ZSCAN31: variants seen among roughly 807,000 people sequenced by gnomAD.
The protein encoded by ZSCAN31 is zinc finger and SCAN domain containing 31, also known as zinc finger and SCAN domain-containing protein 31.
In ZSCAN31, 14 loss-of-function variants were observed where a neutral mutation model predicts 22.5. The observed-to-expected ratio is 0.62, with a 90% CI of 0.41 to 0.97. ZSCAN31 has a LOEUF of 0.97. Ranked by LOEUF, ZSCAN31 falls within the 50% of genes least tolerant of loss-of-function variation. The probability of loss-of-function intolerance (pLI) is 0.00; values close to 1 mark genes in which losing one functional copy is unlikely to be tolerated. For synonymous variants in ZSCAN31, 168 were observed against 169.8 expected, an observed-to-expected ratio of 0.99 and a Z score of 0.08; for missense variants, 424 against 483.4, an observed-to-expected ratio of 0.88 and a Z score of 1.15.
intron 2 of ZSCAN31, among the ~76,000 whole-genome samples, chr6:28,345,929 T>G (rs977005115): frequency 2.0e-5 from 3 of 152,208 alleles, no homozygotes; most frequent in African/African-American, 7.2e-5. Context: ...TTATGTAGTG[T>G]TTGTTTCCTA....
At chr6:28,343,718 C>T (rs754019217) in intron 2 of ZSCAN31, among the ~76,000 whole-genome samples, 2 of 151,728 alleles carry the variant, frequency 1.3e-5, no homozygotes, top group African/African-American at 4.8e-5. Context: ...TTAGTAGAAA[C>T]GGGGTTTCAC....
chr6:28,327,857 T>C (rs1763416616), intron 2 of ZSCAN31, among the ~76,000 whole-genome samples: 2 of 152,042 alleles, frequency 1.3e-5, no homozygotes, highest in South Asian at 4.2e-4. Flanking sequence ...GTAAAAAGTA[T>C]CAGAGAATCT....
chr6:28,353,807 A>T (rs1201678591), intron 2 of ZSCAN31: 2 of 456,646 alleles, frequency 4.4e-6, no homozygotes, highest in African/African-American at 4.0e-5. Context: ...ACTCTTATTT[A>T]AAAAAAGAAA....
At position 28,333,895 on chromosome 6, in the gene ZSCAN31, G is replaced by A. The variant is rs1763945306; in HGVS notation, c.-96+2187C>T. ...TTCTGTACCGAGAAGCTCTGCTACT[G>A]GATGGAGAATGAGCTGAGGGAATGA... On this transcript the variant is annotated intron_variant, in intron 1 of 3. Coordinates refer to ENST00000344279, the MANE Select transcript of ZSCAN31 (RefSeq NM_030899.5). The surrounding 1 kb of genome is among the most constrained non-coding windows in gnomAD (Gnocchi z 4.1). Among the ~76,000 whole-genome samples, 1 of 152,146 alleles carries A rather than the reference G, an allele frequency of 6.6e-6. No homozygotes were observed. The highest frequency in any genetic ancestry group is 1.5e-5 in the Non-Finnish European group (1 of 68,022).
upstream of ZSCAN31, among the ~76,000 whole-genome samples, chr6:28,354,737 C>T (rs548095075): frequency 1.3e-5 from 2 of 152,306 alleles, no homozygotes; most frequent in South Asian, 2.1e-4. Flanking sequence ...GGTGTTGGGG[C>T]GGGCAACAAC....
rs185187827 is a variant in ZSCAN31 at position 28,354,170 on chromosome 6, G to A, written c.-501C>T. 2.9e-4 allele frequency: 103 copies of A among 349,736 alleles called. No homozygotes were observed. The East Asian group carries it at 7.5e-3, about 25-fold the overall frequency. The allele number at this position is 349,736 out of a possible 1,614,324, so 21.7% of individuals were successfully genotyped here. ...AAGATGGCCAGTTCTCTCTTACAGG[G>A]TCAGCAGTTTTTCTCTCTCTCTCTG... On this transcript the variant is annotated 5_prime_UTR_variant, in exon 1 of 8. Coordinates refer to the ZSCAN31 transcript ENST00000396838.
At chr6:28,343,564 G>C (rs1402342788) in intron 2 of ZSCAN31, among the ~76,000 whole-genome samples, 1 of 94,656 alleles carries the variant, frequency 1.1e-5, no homozygotes, top group Non-Finnish European at 1.9e-5. Flanking sequence ...TTTTTTTTGA[G>C]ATGGAGTCTC....
chr6:28,348,848 TATATATAGGTGTATATACATGTCTC>T (rs1455911968), intron 2 of ZSCAN31, among the ~76,000 whole-genome samples: 3 of 152,108 alleles, frequency 2.0e-5, no homozygotes, highest in Non-Finnish European at 4.4e-5. Context: ...TGAGTTCTCA[TATATATAGGTGTATATACATGTCTC>T]ATATACAGGT....
intron 2 of ZSCAN31, among the ~76,000 whole-genome samples, chr6:28,328,481 A>G (rs1274349334): frequency 6.6e-6 from 1 of 152,242 alleles, no homozygotes; most frequent in East Asian, 1.9e-4. Context: ...TTGAAAGAAG[A>G]GAAATATGGC....
intron 1 of ZSCAN31, chr6:28,354,091 C>A (rs1399289077): frequency 1.1e-5 from 4 of 379,632 alleles, no homozygotes; most frequent in African/African-American, 6.3e-5. Flanking sequence ...CCCACACTTA[C>A]AGCTGTACTC....
At chr6:28,340,614 A>G (rs1764375512), upstream of ZSCAN31, among the ~76,000 whole-genome samples, 1 of 152,228 alleles carries the variant, frequency 6.6e-6, no homozygotes, top group Admixed American at 6.5e-5. Flanking sequence ...TAAATTACCC[A>G]GTCTTGGGTA....
chr6:28,327,291 C>A, intron 3 of ZSCAN31, 92 bp downstream of exon 3: 3 of 1,450,378 alleles, frequency 2.1e-6, no homozygotes, highest in African/African-American at 1.4e-5. Context: ...AAATTCCAAC[C>A]CAGGCAATTT....
At chr6:28,343,266 T>A (rs1764489829) in intron 2 of ZSCAN31, among the ~76,000 whole-genome samples, 2 of 152,196 alleles carry the variant, frequency 1.3e-5, no homozygotes, top group Non-Finnish European at 2.9e-5. Context: ...CAAGTGGTAG[T>A]TTCTGAAACT....
At chr6:28,346,918 A>G (rs1764669593) in intron 2 of ZSCAN31, among the ~76,000 whole-genome samples, 1 of 152,260 alleles carries the variant, frequency 6.6e-6, no homozygotes, top group African/African-American at 2.4e-5. Context: ...GAAAGAAAGA[A>G]TAATTCTGGA....
chr6:28,338,070 G>T (rs557541079), upstream of ZSCAN31, among the ~76,000 whole-genome samples: 23 of 138,564 alleles, frequency 1.7e-4, no homozygotes, highest in Admixed American at 3.5e-4. Context: ...AATAAATAAA[G>T]AAGGAAAAAG....
chr6:28,348,557 G>A, intron 2 of ZSCAN31, among the ~76,000 whole-genome samples: 1 of 152,022 alleles, frequency 6.6e-6, no homozygotes, highest in East Asian at 1.9e-4. Flanking sequence ...ACACATACAT[G>A]TTTGTTGCTC....
chr6:28,344,785 T>C (rs1764567818), intron 2 of ZSCAN31, among the ~76,000 whole-genome samples: 1 of 151,948 alleles, frequency 6.6e-6, no homozygotes, highest in Non-Finnish European at 1.5e-5. Context: ...AAAATATATA[T>C]AGTACATTTA....
intron 3 of ZSCAN31, 49 bp from the exon 4 acceptor site, chr6:28,326,903 G>T: frequency 1.4e-6 from 2 of 1,445,024 alleles, no homozygotes; most frequent in South Asian, 1.3e-5. Flanking sequence ...CTTTATGAAA[G>T]AATACAATCA....
chr6:28,328,538 C>G (rs141928748), intron 2 of ZSCAN31, among the ~76,000 whole-genome samples: 4,238 of 152,358 alleles, frequency 0.028, 72 homozygotes, highest in South Asian at 0.052. Flanking sequence ...GGTTATCTCT[C>G]TTATTCCCTG....
Sources: gnomAD v4.1 joint callset for allele counts (sites outside exome capture counted in the v4.1 genomes callset) on GRCh38, gnomAD v4.1.1 for gene constraint, Gnocchi (gnomAD v3.1) non-coding constraint, MANE v1.5 for transcripts, NCBI Gene and HGNC (gene_info 2026-07-23, HGNC 2026-07-21) for gene names.